The following FBXO28 variants were observed in gnomAD, a reference collection of about 807,000 sequenced individuals.
FBXO28 encodes the protein F-box protein 28.
FBXO28 carries 8 observed loss-of-function variants against 38.1 expected under a neutral mutation model. The observed-to-expected ratio is 0.21, with a 90% CI of 0.12 to 0.38. FBXO28 has a LOEUF of 0.38. FBXO28 is among the 10% of genes least tolerant of loss of function. The pLI is 1.00. For missense variants in FBXO28, 345 were observed against 460.6 expected (o/e 0.75, Z 2.30); for synonymous variants, 168 against 173.8 (o/e 0.97, Z 0.26).
At position 224,114,113 on chromosome 1, in the gene FBXO28, G is replaced by T. The variant is rs775916324; in HGVS notation, c.-17G>T. 6 of 1,526,858 alleles carry T rather than the reference G, an allele frequency of 3.9e-6. No individual in the cohort carries two copies. Among genetic ancestry groups the T allele is most frequent in the Non-Finnish European group, 5.3e-6 (6 of 1,135,478 alleles). 94.6% of individuals were successfully genotyped at this position (1,526,858 alleles called of 1,614,324 possible). ...CCTGTTCCCCTTGCTGTGGGGGTAAGGAATCAAGCCCCCAAGATGGCGGCA... is the reference window on the plus strand; with the variant it reads ...CCTGTTCCCCTTGCTGTGGGGGTAATGAATCAAGCCCCCAAGATGGCGGCA... On this transcript the variant is annotated 5_prime_UTR_variant, in exon 1 of 5. It adds an upstream start codon to the 5' untranslated region. Transcript: ENST00000366862.
rs754906689 is a variant in FBXO28 at position 224,114,271 on chromosome 1, C to T, written c.142C>T (p.Leu48Phe). The change falls in exon 1 of 5, where the codon CTC (leucine) becomes TTC (phenylalanine). Residue 48 changes from leucine to phenylalanine, a missense_variant. Leu to Phe is a conservative substitution (Grantham distance 22). Coordinates refer to ENST00000366862, the MANE Select transcript of FBXO28 (RefSeq NM_015176.4). ...PQHPQPGSQALPAPALAPDQL... is the reference protein window; with the variant it reads ...PQHPQPGSQAFPAPALAPDQL... ...GCACCCGCAGCCGGGGTCCCAGGCGCTCCCAGCCCCCGCGCTGGCTCCGGA... is the reference window on the plus strand; with the variant it reads ...GCACCCGCAGCCGGGGTCCCAGGCGTTCCCAGCCCCCGCGCTGGCTCCGGA... The T allele has an allele frequency of 6.4e-6, 10 of 1,556,376 alleles. No individual in the cohort carries two copies. The African/African-American group carries it at 1.1e-4, about 17-fold the overall frequency.
At chr1:224,152,278 A>G (rs2102634300) in intron 3 of FBXO28, among the ~76,000 whole-genome samples, 1 of 152,258 alleles carries the variant, frequency 6.6e-6, no homozygotes, top group Non-Finnish European at 1.5e-5. Flanking sequence ...AATCCGTAAC[A>G]AGTCTCAGAG....
chr1:224,130,457 T>C lies in FBXO28; in HGVS notation c.268-15T>C, dbSNP rs1011405893. On this transcript the variant is annotated splice_polypyrimidine_tract_variant and intron_variant, in intron 1 of 4. Coordinates refer to ENST00000366862, the MANE Select transcript of FBXO28 (RefSeq NM_015176.4). Reference sequence around the variant, plus strand: ...TAATTTGGTTATTGATTTTTGTTCTTTTTTCTCCTTGAAGGTTTGTAAAAG... The same window carrying C: ...TAATTTGGTTATTGATTTTTGTTCTCTTTTCTCCTTGAAGGTTTGTAAAAG... The C allele has an allele frequency of 4.4e-6, 7 of 1,596,732 alleles. No individual in the cohort carries two copies. Among genetic ancestry groups the C allele is most frequent in the East Asian group, 2.2e-5 (1 of 44,802 alleles).
chr1:224,159,147 T>C lies in FBXO28; in HGVS notation c.*1401T>C, dbSNP rs1365590642. On this transcript the variant is annotated 3_prime_UTR_variant, in exon 5 of 5. Transcript: ENST00000366862. ...TAGCTATTTGACTGTTAAGTTCTTT[T>C]AAACAACTGTTTCCTTGGGCTTCAG... The C allele has an allele frequency of 6.6e-6, 1 of 152,660 alleles. No homozygotes were observed. The highest frequency in any genetic ancestry group is 1.5e-5 in the Non-Finnish European group (1 of 68,042). The allele number at this position is 152,660 out of a possible 1,614,324, so 9.5% of individuals were successfully genotyped here. A position where few individuals can be genotyped will look rare whatever the true frequency, so the allele number is the denominator to read the frequency against.
intron 3 of FBXO28, among the ~76,000 whole-genome samples, chr1:224,136,209 T>TA: frequency 7.1e-5 from 10 of 141,708 alleles, no homozygotes; most frequent in African/African-American, 2.1e-4. Context: ...TACAGGTGCA[T>TA]TATTTGGATT....
intron 4 of FBXO28, among the ~76,000 whole-genome samples, chr1:224,155,362 TCA>T (rs1558198360): frequency 6.6e-6 from 1 of 152,128 alleles, no homozygotes; most frequent in African/African-American, 2.4e-5. Flanking sequence ...AAACAGGGTT[TCA>T]CCATGTTGTT....
intron 3 of FBXO28, among the ~76,000 whole-genome samples, chr1:224,141,194 C>T (rs1433402489): frequency 2.7e-5 from 4 of 149,900 alleles, no homozygotes; most frequent in African/African-American, 7.4e-5. Context: ...TACAATCGGC[C>T]GGGCATGGTG....
intron 1 of FBXO28, among the ~76,000 whole-genome samples, chr1:224,122,923 A>T (rs865781616): frequency 1.3e-5 from 2 of 152,182 alleles, no homozygotes; most frequent in South Asian, 2.1e-4. Flanking sequence ...AATTTGAAAT[A>T]AATAGGATAA....
At chr1:224,149,274 CTTTT>C (rs33992744) in intron 3 of FBXO28, among the ~76,000 whole-genome samples, 13 of 130,004 alleles carry the variant, frequency 1.0e-4, no homozygotes, top group African/African-American at 8.4e-5. Flanking sequence ...ACCATATAAT[CTTTT>C]TTTTTTTTTT....
chr1:224,149,950 G>A (rs1247187721), intron 3 of FBXO28, among the ~76,000 whole-genome samples: 3 of 152,174 alleles, frequency 2.0e-5, no homozygotes, highest in African/African-American at 4.8e-5. Flanking sequence ...AAAAAGGTGG[G>A]GAACTTGATT....
rs1657884890 is a variant in FBXO28, at chr1:224,160,632, C to T, written c.*2886C>T. On this transcript the variant is annotated 3_prime_UTR_variant, in exon 5 of 5. Transcript: ENST00000366862. ...TGTACAGAGCCTGGAAATAATGGAG[C>T]AAACGCAAATGTATTGAGAGTCATT... 6.6e-6 allele frequency: 1 copy of T among 152,102 alleles called. No individual in the cohort carries two copies. Among genetic ancestry groups the T allele is most frequent in the South Asian group, 2.1e-4 (1 of 4,828 alleles). The allele number at this position is 152,102 out of a possible 1,614,324, so 9.4% of individuals were successfully genotyped here.
chr1:224,114,614 T>TAGCTGCG (rs1656600890), intron 1 of FBXO28, among the ~76,000 whole-genome samples: 2 of 152,222 alleles, frequency 1.3e-5, no homozygotes, highest in Non-Finnish European at 1.5e-5. Context: ...GGTTACTTCC[T>TAGCTGCG]GAGGGGACTT....
intron 4 of FBXO28, among the ~76,000 whole-genome samples, chr1:224,154,398 C>T (rs1025727583): frequency 6.6e-6 from 1 of 152,184 alleles, no homozygotes; most frequent in South Asian, 2.1e-4. Context: ...TGGCTGGGCG[C>T]GGTGGCTCAT....
chr1:224,137,717 A>T (rs1249814235), intron 3 of FBXO28, among the ~76,000 whole-genome samples: 2 of 151,804 alleles, frequency 1.3e-5, no homozygotes, highest in African/African-American at 2.4e-5. Flanking sequence ...CACAAAAGAA[A>T]GCTCTAGAGT....
At position 224,159,622 on chromosome 1, in the gene FBXO28, G is replaced by A. The variant is rs1657851788; in HGVS notation, c.*1876G>A. On this transcript the variant is annotated 3_prime_UTR_variant, in exon 5 of 5. Coordinates refer to ENST00000366862, the MANE Select transcript of FBXO28 (RefSeq NM_015176.4). ...AGCACTTCTCATTTTTATAATCATA[G>A]TATTTAGCCATATTAGCATATCTTT... 6.6e-6 allele frequency: 1 copy of A among 152,364 alleles called. No individual in the cohort carries two copies. The highest frequency in any genetic ancestry group is 2.4e-5 in the African/African-American group (1 of 41,414). The allele number at this position is 152,364 out of a possible 1,614,324, so 9.4% of individuals were successfully genotyped here. A position where few individuals can be genotyped will look rare whatever the true frequency, so the allele number is the denominator to read the frequency against.
intron 3 of FBXO28, among the ~76,000 whole-genome samples, chr1:224,136,035 AAAAC>A (rs1465565558): frequency 1.3e-5 from 2 of 151,876 alleles, no homozygotes; most frequent in Admixed American, 1.3e-4. Context: ...CTCTATCTCA[AAAAC>A]AAACAAATAA....
At chr1:224,115,514 A>G (rs1383361753) in intron 1 of FBXO28, among the ~76,000 whole-genome samples, 2 of 152,252 alleles carry the variant, frequency 1.3e-5, no homozygotes, top group Non-Finnish European at 2.9e-5. Flanking sequence ...AAATCATAAC[A>G]TTTTTAAAAG....
At chr1:224,124,437 A>G (rs992569608) in intron 1 of FBXO28, among the ~76,000 whole-genome samples, 1 of 152,186 alleles carries the variant, frequency 6.6e-6, no homozygotes, top group African/African-American at 2.4e-5. Flanking sequence ...TCCATATATT[A>G]GGCTTCAGGA....
At chr1:224,119,132 T>C (rs1021730002) in intron 1 of FBXO28, among the ~76,000 whole-genome samples, 4 of 60,990 alleles carry the variant, frequency 6.6e-5, no homozygotes, top group Non-Finnish European at 1.2e-4. Context: ...TTTTCTTTTT[T>C]TTCTTTTTTT....
Sources: allele counts gnomAD v4.1 joint callset (sites outside exome capture counted in the v4.1 genomes callset), GRCh38; gene constraint gnomAD v4.1.1; transcripts MANE v1.5; gene names NCBI Gene and HGNC (gene_info 2026-07-23, HGNC 2026-07-21).